AGMO: variants seen among roughly 807,000 people sequenced by gnomAD.
The protein encoded by AGMO is glyceryl-ether monooxygenase.
AGMO carries 75 observed loss-of-function variants against 60.2 expected under a neutral mutation model. That is an observed-to-expected ratio of 1.25 (90% CI 1.03 to 1.51). The LOEUF (loss-of-function observed/expected upper bound fraction) is 1.51, where lower values mean the gene tolerates loss of function less well. Among genes scored for constraint, AGMO ranks in the 40% most tolerant of loss-of-function variants. The pLI is 0.00. For missense variants in AGMO, 763 were observed against 525.5 expected, an observed-to-expected ratio of 1.45 and a Z score of -4.42; for synonymous variants, 261 against 177.1, an observed-to-expected ratio of 1.47 and a Z score of -3.76.
chr7:15,298,304 A>G (rs4434528), intron 12 of AGMO, among the ~76,000 whole-genome samples: 53,612 of 152,054 alleles, frequency 0.35, 11,117 homozygotes, highest in East Asian at 0.51. Flanking sequence ...CGTCTTAATC[A>G]TTTGCCTTCA....
intron 5 of AGMO, among the ~76,000 whole-genome samples, chr7:15,397,670 T>C (rs1461985290): frequency 6.6e-6 from 1 of 152,238 alleles, no homozygotes; most frequent in Non-Finnish European, 1.5e-5. Flanking sequence ...CTATCCACTA[T>C]TTTTAAAGTT....
intron 8 of AGMO, among the ~76,000 whole-genome samples, chr7:15,388,634 G>A (rs893392094): frequency 2.0e-5 from 3 of 151,986 alleles, no homozygotes; most frequent in African/African-American, 7.3e-5. Flanking sequence ...TGACAAAGGA[G>A]GGCAAGGTCA....
At chr7:15,455,898 T>A (rs10224476) in intron 3 of AGMO, among the ~76,000 whole-genome samples, 87,695 of 151,416 alleles carry the variant, frequency 0.58, 26,343 homozygotes, top group Non-Finnish European at 0.68. Context: ...GATTTTTGGT[T>A]TTTTGTTTAC....
At chr7:15,369,384 C>A (rs1036191441) in intron 10 of AGMO, among the ~76,000 whole-genome samples, 6 of 152,216 alleles carry the variant, frequency 3.9e-5, no homozygotes, top group Admixed American at 6.5e-5. Flanking sequence ...AGCCCAAATA[C>A]GCCATACCCC....
chr7:15,207,851 A>G (rs1297046280), intron 12 of AGMO, among the ~76,000 whole-genome samples: 1 of 152,198 alleles, frequency 6.6e-6, no homozygotes, highest in Non-Finnish European at 1.5e-5. Context: ...GGAGATTGGC[A>G]TGAAGCCAGG....
chr7:15,204,501 T>C, intron 12 of AGMO, among the ~76,000 whole-genome samples: 1 of 152,190 alleles, frequency 6.6e-6, no homozygotes, highest in African/African-American at 2.4e-5. Context: ...ATATATGATG[T>C]TTCCGGATAC....
At chr7:15,407,232 C>CATATATAGATATATATATAT (rs1784728943) in intron 5 of AGMO, among the ~76,000 whole-genome samples, 1 of 132,164 alleles carries the variant, frequency 7.6e-6, no homozygotes, top group East Asian at 2.2e-4. Context: ...CTTTGGAATA[C>CATATATAGATATATATATAT]ATATATATAT....
chr7:15,123,470 T>G, the AGMO span, among the ~76,000 whole-genome samples: 1 of 151,448 alleles, frequency 6.6e-6, no homozygotes, highest in South Asian at 2.1e-4. Context: ...GAAAAAAAAA[T>G]GAACAAAAAA....
At chr7:15,340,261 T>C (rs1168641671) in intron 12 of AGMO, among the ~76,000 whole-genome samples, 6 of 149,740 alleles carry the variant, frequency 4.0e-5, no homozygotes, top group Admixed American at 6.6e-5. Flanking sequence ...ACCCATCACA[T>C]GTCACATGAG....
intron 12 of AGMO, among the ~76,000 whole-genome samples, chr7:15,288,080 T>C (rs1049035609): frequency 5.3e-5 from 8 of 152,026 alleles, no homozygotes; most frequent in Non-Finnish European, 1.0e-4. Context: ...CTGGAGTGCA[T>C]TGGCACAGTC....
chr7:15,341,993 A>G (rs946818490), intron 12 of AGMO, among the ~76,000 whole-genome samples: 1 of 151,800 alleles, frequency 6.6e-6, no homozygotes, highest in African/African-American at 2.4e-5. Flanking sequence ...ACAATTCAAG[A>G]TGAGATTTGG....
chr7:15,415,500 G>A (rs1346551013), intron 5 of AGMO, among the ~76,000 whole-genome samples: 2 of 151,910 alleles, frequency 1.3e-5, no homozygotes, highest in African/African-American at 4.8e-5. Context: ...CTGAGATGGT[G>A]CCACTGTACT....
intron 12 of AGMO, among the ~76,000 whole-genome samples, chr7:15,346,036 G>T (rs542193777): frequency 1.2e-4 from 19 of 152,202 alleles, no homozygotes; most frequent in African/African-American, 4.3e-4. Flanking sequence ...TTAAAGCAAA[G>T]AGATAGTCAT....
intron 12 of AGMO, among the ~76,000 whole-genome samples, chr7:15,261,202 G>C (rs1368458029): frequency 6.6e-6 from 1 of 151,850 alleles, no homozygotes; most frequent in East Asian, 1.9e-4. Flanking sequence ...AAATACAAAA[G>C]ATAAATTAAA....
At position 15,201,154 on chromosome 7, in the gene AGMO, ATAAG is replaced by A. The variant is rs1224194347; in HGVS notation, c.*127_*130del. On this transcript the variant is annotated 3_prime_UTR_variant, in exon 13 of 13. Transcript: ENST00000342526. Reference sequence around the variant, plus strand: ...AAATGTGAAAGGCAAACAATAGTAAATAAGTAATTTTACTTTTCATTGAAGAAAT... The same window carrying A: ...AAATGTGAAAGGCAAACAATAGTAAATAATTTTACTTTTCATTGAAGAAAT... 2.3e-5 allele frequency: 13 copies of A among 560,216 alleles called. No individual in the cohort carries two copies. The highest frequency in any genetic ancestry group is 4.9e-5 in the South Asian group (1 of 20,476). 34.7% of individuals were successfully genotyped at this position (560,216 alleles called of 1,614,324 possible). A position where few individuals can be genotyped will look rare whatever the true frequency, so the allele number is the denominator to read the frequency against.
chr7:15,470,284 A>C (rs1256417123), intron 3 of AGMO, among the ~76,000 whole-genome samples: 1 of 152,082 alleles, frequency 6.6e-6, no homozygotes, highest in African/African-American at 2.4e-5. Context: ...GCTGGAAACA[A>C]AAACTAGATG....
intron 12 of AGMO, among the ~76,000 whole-genome samples, chr7:15,365,081 T>G (rs528146199): frequency 6.6e-6 from 1 of 151,964 alleles, no homozygotes; most frequent in African/African-American, 2.4e-5. Context: ...GTGACTTTAT[T>G]TCTGTAGAAT....
intron 12 of AGMO, among the ~76,000 whole-genome samples, chr7:15,329,680 T>C (rs1342714293): frequency 6.6e-6 from 1 of 152,210 alleles, no homozygotes; most frequent in Non-Finnish European, 1.5e-5. Context: ...CTGTCCATTA[T>C]TATGTTTAAT....
At chr7:15,319,152 T>C (rs892585474) in intron 12 of AGMO, among the ~76,000 whole-genome samples, 1 of 152,184 alleles carries the variant, frequency 6.6e-6, no homozygotes, top group Admixed American at 6.6e-5. Flanking sequence ...ATAGGTTTTA[T>C]TTTTCTGTAA....
Sources: allele counts gnomAD v4.1 joint callset (sites outside exome capture counted in the v4.1 genomes callset), GRCh38; gene constraint gnomAD v4.1.1; transcripts MANE v1.5; gene names NCBI Gene and HGNC (gene_info 2026-07-23, HGNC 2026-07-21).